Variants in IL1RAPL2 observed in about 807,000 individuals in gnomAD.
IL1RAPL2 encodes X-linked interleukin-1 receptor accessory protein-like 2.
IL1RAPL2 carries 3 observed loss-of-function variants against 44.1 expected under a neutral mutation model. The observed-to-expected ratio is 0.07, with a 90% CI of 0.03 to 0.18. IL1RAPL2 has a LOEUF of 0.18. Ranked by LOEUF, IL1RAPL2 falls within the 10% of genes least tolerant of loss-of-function variation. The pLI, the probability that IL1RAPL2 is intolerant of heterozygous loss-of-function variation, is 1.00. For missense variants in IL1RAPL2, 391 were observed against 496.4 expected, an observed-to-expected ratio of 0.79 and a Z score of 2.02; for synonymous variants, 181 against 178.8, an observed-to-expected ratio of 1.01 and a Z score of -0.10.
chrX:105,115,509 C>T (rs977286174), intron 2 of IL1RAPL2, among the ~76,000 whole-genome samples: 1 of 112,012 alleles, frequency 8.9e-6, no homozygotes, highest in Admixed American at 9.4e-5. Context: ...ACTAGATTAG[C>T]TAGATACAGA....
chrX:104,608,892 T>C (rs1929082547), intron 1 of IL1RAPL2, among the ~76,000 whole-genome samples: 1 of 111,360 alleles, frequency 9.0e-6, no homozygotes, highest in South Asian at 3.7e-4. Context: ...GGTCCTGTCA[T>C]TATGATGCTA....
intron 5 of IL1RAPL2, among the ~76,000 whole-genome samples, chrX:105,308,013 A>G (rs2034764881): frequency 9.1e-6 from 1 of 110,369 alleles, no homozygotes; most frequent in Non-Finnish European, 1.9e-5. Flanking sequence ...GGATCTGGGC[A>G]CTAGATGTCT....
chrX:104,981,415 A>AT (rs748224351), intron 2 of IL1RAPL2, among the ~76,000 whole-genome samples: 2 of 109,896 alleles, frequency 1.8e-5, no homozygotes, highest in African/African-American at 3.3e-5. Context: ...AATGCTACCA[A>AT]TTTTTTTTAC....
At chrX:105,589,759 C>T (rs373065737) in intron 6 of IL1RAPL2, among the ~76,000 whole-genome samples, 19 of 111,166 alleles carry the variant, frequency 1.7e-4, no homozygotes, top group African/African-American at 4.9e-4. Context: ...GCACCTGTAC[C>T]ATGCTCTGTT....
intron 6 of IL1RAPL2, among the ~76,000 whole-genome samples, chrX:105,485,775 A>G (rs2036262036): frequency 1.8e-5 from 2 of 111,868 alleles, no homozygotes; most frequent in African/African-American, 6.5e-5. Flanking sequence ...ATGTTGTTGC[A>G]AATCACTGGA....
intron 2 of IL1RAPL2, among the ~76,000 whole-genome samples, chrX:104,827,205 A>T (rs1307335947): frequency 1.8e-5 from 2 of 110,264 alleles, no homozygotes; most frequent in African/African-American, 6.6e-5. Flanking sequence ...TAGTTGATGC[A>T]GTTTCTTCAT....
intron 3 of IL1RAPL2, among the ~76,000 whole-genome samples, chrX:105,210,152 G>A (rs1354437282): frequency 4.5e-5 from 5 of 111,385 alleles, no homozygotes; most frequent in African/African-American, 1.6e-4. Flanking sequence ...AAACCCCTTG[G>A]GTTCCCACCC....
intron 1 of IL1RAPL2, among the ~76,000 whole-genome samples, chrX:104,604,446 A>C (rs1346069695): frequency 9.0e-6 from 1 of 110,654 alleles, no homozygotes; most frequent in Non-Finnish European, 1.9e-5. Context: ...GATCAAATTC[A>C]CACATAACCA....
chrX:105,325,676 A>C (rs1315364801), intron 5 of IL1RAPL2, among the ~76,000 whole-genome samples: 1 of 107,544 alleles, frequency 9.3e-6, no homozygotes, highest in African/African-American at 3.4e-5. Flanking sequence ...TGACTGCACC[A>C]TTTTACATTT....
chrX:105,612,781 T>C (rs752199472), intron 6 of IL1RAPL2, among the ~76,000 whole-genome samples: 4 of 111,809 alleles, frequency 3.6e-5, no homozygotes, highest in Non-Finnish European at 7.5e-5. Flanking sequence ...TGCCCTCCCA[T>C]GGAGGGAACA....
chrX:104,636,064 C>G (rs981236939), intron 1 of IL1RAPL2, among the ~76,000 whole-genome samples: 4 of 112,174 alleles, frequency 3.6e-5, no homozygotes, highest in Non-Finnish European at 7.5e-5. Flanking sequence ...TTCTAACAGT[C>G]AGGACCCTCA....
chrX:105,411,174 TAAAGAG>T (rs2035692793), intron 5 of IL1RAPL2, among the ~76,000 whole-genome samples: 1 of 110,099 alleles, frequency 9.1e-6, no homozygotes, highest in African/African-American at 3.3e-5. Flanking sequence ...GCAGAAATAA[TAAAGAG>T]AAAGAAAACA....
intron 2 of IL1RAPL2, among the ~76,000 whole-genome samples, chrX:105,115,656 C>T (rs749198995): frequency 8.8e-6 from 1 of 113,010 alleles, no homozygotes; most frequent in African/African-American, 3.2e-5. Context: ...TTCTCCAAGT[C>T]CCCACCAGAC....
chrX:104,797,798 G>A (rs1007887284), intron 2 of IL1RAPL2, among the ~76,000 whole-genome samples: 8 of 112,072 alleles, frequency 7.1e-5, no homozygotes, highest in African/African-American at 2.3e-4. Flanking sequence ...GAATCAGGGC[G>A]GTGATGTTTT....
At chrX:105,358,011 T>C (rs1233743877) in intron 5 of IL1RAPL2, among the ~76,000 whole-genome samples, 3 of 83,540 alleles carry the variant, frequency 3.6e-5, no homozygotes, top group African/African-American at 1.4e-4. Context: ...CTCCAGCACC[T>C]GGATGACAGA....
intron 2 of IL1RAPL2, among the ~76,000 whole-genome samples, chrX:105,109,538 A>T (rs762408526): frequency 7.1e-5 from 8 of 112,328 alleles, no homozygotes; most frequent in Non-Finnish European, 9.4e-5. Context: ...AATAAAAAAA[A>T]GTCCAGAATA....
At chrX:105,657,775 G>A (rs1317967673) in intron 6 of IL1RAPL2, among the ~76,000 whole-genome samples, 12 of 110,660 alleles carry the variant, frequency 1.1e-4, no homozygotes, top group South Asian at 3.9e-4. Context: ...CTCCACACCC[G>A]GCTAATTTTT....
intron 5 of IL1RAPL2, among the ~76,000 whole-genome samples, chrX:105,372,561 G>A (rs755947666): frequency 1.4e-4 from 16 of 111,051 alleles, no homozygotes; most frequent in East Asian, 5.6e-4. Flanking sequence ...TTTGTTGTAC[G>A]GATTATTTCT....
At chrX:105,222,510 G>C (rs1327264100) in intron 3 of IL1RAPL2, among the ~76,000 whole-genome samples, 1 of 111,895 alleles carries the variant, frequency 8.9e-6, no homozygotes, top group African/African-American at 3.3e-5. Flanking sequence ...TCATGTTTTG[G>C]CTTATTCTAG....
Sources: gnomAD v4.1 joint callset for allele counts (sites outside exome capture counted in the v4.1 genomes callset) on GRCh38, gnomAD v4.1.1 for gene constraint, MANE v1.5 for transcripts, NCBI Gene and HGNC (gene_info 2026-07-23, HGNC 2026-07-21) for gene names.